WWOX: variants seen among roughly 807,000 people sequenced by gnomAD.
WWOX encodes the protein WW domain containing oxidoreductase.
Under a neutral mutation model 46.2 loss-of-function variants are expected in WWOX, and 69 were observed. That is an observed-to-expected ratio of 1.49 (90% CI 1.23 to 1.82). The LOEUF (loss-of-function observed/expected upper bound fraction) is 1.82. Among genes scored for constraint, WWOX ranks in the 40% most tolerant of loss-of-function variants. The probability of loss-of-function intolerance (pLI) is 0.00; values close to 1 mark genes in which losing one functional copy is unlikely to be tolerated. For missense variants in WWOX, 919 were observed against 542.6 expected, an observed-to-expected ratio of 1.69 and a Z score of -6.89; for synonymous variants, 359 against 202.6, an observed-to-expected ratio of 1.77 and a Z score of -6.56.
intron 8 of WWOX, among the ~76,000 whole-genome samples, chr16:78,625,368 C>A (rs925900679): frequency 6.6e-6 from 1 of 152,176 alleles, no homozygotes; most frequent in Non-Finnish European, 1.5e-5. Flanking sequence ...AACTGGATCC[C>A]TGAAATTCAC....
intron 6 of WWOX, among the ~76,000 whole-genome samples, chr16:78,393,539 C>A (rs570066941): frequency 2.6e-5 from 4 of 152,038 alleles, no homozygotes; most frequent in African/African-American, 9.7e-5. Flanking sequence ...CCTTAAGTCC[C>A]TGATAAAATA....
intron 8 of WWOX, among the ~76,000 whole-genome samples, chr16:78,768,005 G>C (rs2049966372): frequency 6.6e-6 from 1 of 151,914 alleles, no homozygotes; most frequent in South Asian, 2.1e-4. Context: ...AAAGAAAACG[G>C]TAATTGAAAG....
At chr16:78,820,588 G>T (rs1188691156) in intron 8 of WWOX, among the ~76,000 whole-genome samples, 2 of 152,112 alleles carry the variant, frequency 1.3e-5, no homozygotes, top group Non-Finnish European at 2.9e-5. Context: ...GCCCTTCCTT[G>T]AAATATAATG....
intron 8 of WWOX, among the ~76,000 whole-genome samples, chr16:79,037,709 A>G (rs765021051): frequency 3.9e-5 from 6 of 152,168 alleles, no homozygotes; most frequent in Non-Finnish European, 5.9e-5. Flanking sequence ...CAAGCCAGGT[A>G]AATATGTCAT....
rs571365157 is a variant in WWOX at position 78,546,992 on chromosome 16, G to A, written c.1056+114240G>A. 3.9e-5 allele frequency among the ~76,000 whole-genome samples: 6 copies of A among 152,028 alleles called. No homozygotes were observed. In the East Asian group the frequency reaches 1.2e-3, roughly 30 times the overall value. On this transcript the variant is annotated intron_variant, in intron 8 of 8. Transcript: ENST00000566780. ...AAATAGAAAAAATTAGCTGGGCATG[G>A]TAGTGCATGCCTGTGGTCCCAGCTA...
chr16:78,503,118 C>T (rs1431830821), intron 8 of WWOX, among the ~76,000 whole-genome samples: 4 of 152,124 alleles, frequency 2.6e-5, no homozygotes, highest in South Asian at 2.1e-4. Flanking sequence ...AGGCCTAACT[C>T]GCAAGCGATG....
chr16:78,352,291 G>C (rs1180236652), intron 5 of WWOX, among the ~76,000 whole-genome samples: 2 of 152,118 alleles, frequency 1.3e-5, no homozygotes, highest in Non-Finnish European at 2.9e-5. Context: ...TTTTCTCAAT[G>C]TTAGTGACTT....
chr16:78,907,918 T>C (rs1252701296), intron 8 of WWOX, among the ~76,000 whole-genome samples: 2 of 152,132 alleles, frequency 1.3e-5, no homozygotes, highest in African/African-American at 2.4e-5. Flanking sequence ...CAAGGGGCTT[T>C]GGTGACCCCA....
intron 8 of WWOX, among the ~76,000 whole-genome samples, chr16:78,641,140 A>G (rs1394334704): frequency 2.6e-5 from 4 of 152,170 alleles, no homozygotes; most frequent in African/African-American, 9.6e-5. Context: ...CTCCTCCAAA[A>G]AAATTCTCTT....
intron 5 of WWOX, among the ~76,000 whole-genome samples, chr16:78,265,155 C>G (rs1326494681): frequency 2.6e-5 from 4 of 151,880 alleles, no homozygotes; most frequent in Admixed American, 1.3e-4. Context: ...TGCATGGCAC[C>G]ATGCCTAGCT....
intron 5 of WWOX, among the ~76,000 whole-genome samples, chr16:78,370,796 G>C (rs1435429098): frequency 6.7e-6 from 1 of 148,850 alleles, no homozygotes; most frequent in Non-Finnish European, 1.5e-5. Flanking sequence ...TTTGGGGGGG[G>C]GGGGGCAATG....
chr16:78,194,542 C>G (rs2035986883), intron 5 of WWOX, among the ~76,000 whole-genome samples: 1 of 140,530 alleles, frequency 7.1e-6, no homozygotes, highest in African/African-American at 2.6e-5. Flanking sequence ...GAGCTGAGAT[C>G]ATGCTACTGC....
intron 5 of WWOX, among the ~76,000 whole-genome samples, chr16:78,235,128 G>C (rs115088861): frequency 7.2e-5 from 11 of 152,054 alleles, no homozygotes; most frequent in African/African-American, 2.7e-4. Flanking sequence ...AAATAATTAA[G>C]AATTTAAAAT....
At chr16:78,196,512 C>T (rs1292190170) in intron 5 of WWOX, among the ~76,000 whole-genome samples, 2 of 152,074 alleles carry the variant, frequency 1.3e-5, no homozygotes, top group African/African-American at 2.4e-5. Flanking sequence ...CATTAATTAC[C>T]CACCTAGCCT....
At chr16:78,814,435 C>G (rs1263203034) in intron 8 of WWOX, among the ~76,000 whole-genome samples, 1 of 151,730 alleles carries the variant, frequency 6.6e-6, no homozygotes, top group Non-Finnish European at 1.5e-5. Flanking sequence ...CCTAATAAAA[C>G]CACTGTGTGA....
At chr16:79,019,297 G>C (rs2047483653) in intron 8 of WWOX, among the ~76,000 whole-genome samples, 1 of 151,256 alleles carries the variant, frequency 6.6e-6, no homozygotes, top group African/African-American at 2.4e-5. Flanking sequence ...ACATCATGGA[G>C]TGCACGTACA....
intron 8 of WWOX, among the ~76,000 whole-genome samples, chr16:78,846,317 C>G (rs2052297732): frequency 6.6e-6 from 1 of 152,172 alleles, no homozygotes; most frequent in Admixed American, 6.5e-5. Context: ...GACCAACAGA[C>G]TTTATTTGGA....
At chr16:78,599,675 A>G (rs948007612) in intron 8 of WWOX, among the ~76,000 whole-genome samples, 4 of 152,200 alleles carry the variant, frequency 2.6e-5, no homozygotes, top group Non-Finnish European at 1.5e-5. Context: ...CTGAAGAGAC[A>G]GGTTGGACCA....
chr16:78,494,735 G>T (rs980573806), intron 8 of WWOX, among the ~76,000 whole-genome samples: 4 of 152,138 alleles, frequency 2.6e-5, no homozygotes, highest in African/African-American at 9.7e-5. Context: ...CGGTCCTTGA[G>T]TCAGCACATT....
Sources: allele counts gnomAD v4.1 joint callset (sites outside exome capture counted in the v4.1 genomes callset), GRCh38; gene constraint gnomAD v4.1.1; transcripts MANE v1.5; gene names NCBI Gene and HGNC (gene_info 2026-07-23, HGNC 2026-07-21).